Variants in CALN1 observed in about 807,000 individuals in gnomAD.
The protein encoded by CALN1 is calcium-binding protein 8.
CALN1 carries 17 observed loss-of-function variants against 30.6 expected under a neutral mutation model. That is an observed-to-expected ratio of 0.56 (90% CI 0.38 to 0.83). The LOEUF is 0.83. CALN1 is among the 40% of genes least tolerant of loss of function. CALN1 has a pLI of 0.00. For synonymous variants in CALN1, 156 were observed against 131.4 expected, an observed-to-expected ratio of 1.19 and a Z score of -1.28; for missense variants, 291 against 354.9, an observed-to-expected ratio of 0.82 and a Z score of 1.45.
At chr7:72,181,823 C>T (rs1013232750) in intron 3 of CALN1, among the ~76,000 whole-genome samples, 1 of 152,204 alleles carries the variant, frequency 6.6e-6, no homozygotes, top group Admixed American at 6.5e-5. Context: ...AACTTACTTC[C>T]ACATAACAAT....
At chr7:72,332,814 C>G (rs1249461868) in intron 2 of CALN1, among the ~76,000 whole-genome samples, 1 of 152,168 alleles carries the variant, frequency 6.6e-6, no homozygotes, top group East Asian at 1.9e-4. Context: ...TTCATCCCAT[C>G]TTCTCCATCC....
chr7:71,843,245 A>C (rs1044116149), intron 5 of CALN1, among the ~76,000 whole-genome samples: 2 of 152,174 alleles, frequency 1.3e-5, no homozygotes, highest in African/African-American at 4.8e-5. Flanking sequence ...TGGCCCATAA[A>C]TGCAATGGAG....
intron 5 of CALN1, among the ~76,000 whole-genome samples, chr7:71,989,894 G>GA (rs1798860195): frequency 6.6e-6 from 1 of 152,174 alleles, no homozygotes; most frequent in African/African-American, 2.4e-5. Context: ...AGGGATTCAA[G>GA]AAAGACAGAA....
intron 2 of CALN1, among the ~76,000 whole-genome samples, chr7:72,328,078 C>G (rs1338356956): frequency 6.6e-6 from 1 of 151,756 alleles, no homozygotes; most frequent in East Asian, 1.9e-4. Context: ...CTTCCAAGTT[C>G]TATGTAACAT....
At chr7:72,485,787 C>T in the CALN1 span, among the ~76,000 whole-genome samples, 1 of 152,078 alleles carries the variant, frequency 6.6e-6, no homozygotes. Flanking sequence ...AGGAGAATCA[C>T]TTGAACCCGG....
At chr7:72,165,260 T>C (rs939475191) in intron 3 of CALN1, among the ~76,000 whole-genome samples, 3 of 152,110 alleles carry the variant, frequency 2.0e-5, no homozygotes, top group Admixed American at 6.5e-5. Context: ...AGAAGGATGG[T>C]AGAAACTAGA....
chr7:72,062,785 C>A (rs1187886036), intron 4 of CALN1, among the ~76,000 whole-genome samples: 1 of 152,080 alleles, frequency 6.6e-6, no homozygotes, highest in Non-Finnish European at 1.5e-5. Context: ...CGAAGAAAGA[C>A]ACATCCTAAA....
chr7:72,239,297 C>A (rs949790493), intron 3 of CALN1, among the ~76,000 whole-genome samples: 6 of 152,038 alleles, frequency 3.9e-5, no homozygotes, highest in African/African-American at 1.2e-4. Context: ...ACGCAGGAGG[C>A]TGAAGCAGGA....
intron 2 of CALN1, among the ~76,000 whole-genome samples, chr7:72,308,216 T>C (rs371215518): frequency 4.5e-4 from 68 of 152,070 alleles, no homozygotes; most frequent in African/African-American, 1.3e-3. Context: ...ATACAAAAAT[T>C]AGCCAGGCAT....
intron 3 of CALN1, among the ~76,000 whole-genome samples, chr7:72,185,738 G>A (rs1383877409): frequency 1.3e-5 from 2 of 152,162 alleles, no homozygotes; most frequent in African/African-American, 4.8e-5. Context: ...TCTTGTGGTA[G>A]TGAATAAGTC....
intron 6 of CALN1, among the ~76,000 whole-genome samples, chr7:71,790,396 G>GAAAGAAAGAAAGAAAGA (rs1562780237): frequency 8.9e-6 from 1 of 112,850 alleles, no homozygotes; most frequent in Non-Finnish European, 1.7e-5. Flanking sequence ...AAGAAAGAAA[G>GAAAGAAAGAAAGAAAGA]AAAGAAAGAA....
intron 3 of CALN1, among the ~76,000 whole-genome samples, chr7:72,266,025 T>C (rs560534757): frequency 6.4e-4 from 97 of 151,912 alleles, no homozygotes; most frequent in African/African-American, 2.2e-3. Flanking sequence ...ACCTGTGCCA[T>C]TGGGAGGCTG....
At chr7:71,844,355 A>C (rs752418810) in intron 5 of CALN1, among the ~76,000 whole-genome samples, 1 of 152,196 alleles carries the variant, frequency 6.6e-6, no homozygotes, top group Non-Finnish European at 1.5e-5. Flanking sequence ...GTGTTGCTAC[A>C]GGACAAAACC....
intron 4 of CALN1, among the ~76,000 whole-genome samples, chr7:72,042,208 G>C (rs758358351): frequency 2.0e-4 from 31 of 152,166 alleles, no homozygotes; most frequent in Non-Finnish European, 2.8e-4. Flanking sequence ...CGTTAGGTGG[G>C]TGGGCCATGT....
intron 5 of CALN1, among the ~76,000 whole-genome samples, chr7:72,007,737 G>T (rs1181487939): frequency 1.3e-5 from 2 of 152,002 alleles, no homozygotes; most frequent in South Asian, 2.1e-4. Flanking sequence ...AAATTATTTT[G>T]TTAAAAAACA....
At chr7:72,255,936 G>A (rs1380653585) in intron 3 of CALN1, among the ~76,000 whole-genome samples, 1 of 151,842 alleles carries the variant, frequency 6.6e-6, no homozygotes, top group South Asian at 2.1e-4. Flanking sequence ...CACCATGTTG[G>A]TCAGGCTGGT....
At chr7:72,498,356 T>TA in the CALN1 span, among the ~76,000 whole-genome samples, 11 of 147,574 alleles carry the variant, frequency 7.5e-5, no homozygotes, top group South Asian at 2.1e-4. Context: ...AAAAATTAGT[T>TA]AAAAAAAAAA....
chr7:72,058,483 A>AT (rs1224950698), intron 4 of CALN1, among the ~76,000 whole-genome samples: 2 of 151,542 alleles, frequency 1.3e-5, no homozygotes, highest in East Asian at 1.9e-4. Flanking sequence ...ACACTCAGCT[A>AT]TTTTTTTGTA....
At chr7:72,405,585 G>A (rs1012910589) in intron 1 of CALN1, among the ~76,000 whole-genome samples, 1 of 152,014 alleles carries the variant, frequency 6.6e-6, no homozygotes, top group Non-Finnish European at 1.5e-5. Flanking sequence ...ACATGCCTAT[G>A]ACTCATCTAT....
Sources: gnomAD v4.1 joint callset for allele counts (sites outside exome capture counted in the v4.1 genomes callset) on GRCh38, gnomAD v4.1.1 for gene constraint, MANE v1.5 for transcripts, NCBI Gene and HGNC (gene_info 2026-07-23, HGNC 2026-07-21) for gene names.